The following RIC1 variants were observed in gnomAD, a reference collection of about 807,000 sequenced individuals.
RIC1 encodes RIC1 partner of RAB6A GEF complex.
Under a neutral mutation model 169.0 loss-of-function variants are expected in RIC1, and 88 were observed. The ratio of observed to expected loss-of-function variants is 0.52; its 90% CI spans 0.44 to 0.62. The LOEUF (loss-of-function observed/expected upper bound fraction) is 0.62, where lower values mean the gene tolerates loss of function less well. Among genes scored for constraint, RIC1 ranks in the 20% least tolerant of loss-of-function variants. RIC1 has a pLI of 0.00. For synonymous variants in RIC1, 790 were observed against 601.5 expected, an observed-to-expected ratio of 1.31 and a Z score of -4.59; for missense variants, 1,877 against 1,725.5, an observed-to-expected ratio of 1.09 and a Z score of -1.56.
chr9:5,697,661 G>A (rs529720726), intron 3 of RIC1, among the ~76,000 whole-genome samples: 9 of 152,130 alleles, frequency 5.9e-5, no homozygotes, highest in Middle Eastern at 3.2e-3. Context: ...AAAAGAAATC[G>A]TTCTGAGCCT....
intron 3 of RIC1, among the ~76,000 whole-genome samples, chr9:5,703,686 G>A (rs1048485828): frequency 3.9e-5 from 6 of 152,168 alleles, no homozygotes; most frequent in Non-Finnish European, 5.9e-5. Context: ...GTTAATTCGT[G>A]TTTTAGCATG....
chr9:5,668,562 T>A (rs1819916673), intron 2 of RIC1, among the ~76,000 whole-genome samples: 1 of 152,234 alleles, frequency 6.6e-6, no homozygotes, highest in Admixed American at 6.5e-5. Context: ...CCCCAGACTC[T>A]GCTTATTTTT....
At chr9:5,764,352 TC>T (rs2131103117) in intron 19 of RIC1, among the ~76,000 whole-genome samples, 1 of 152,272 alleles carries the variant, frequency 6.6e-6, no homozygotes, top group South Asian at 2.1e-4. Context: ...GAGCTAGTCT[TC>T]CCCAAAGCAA....
chr9:5,765,308 G>T (rs1021722594), intron 19 of RIC1, 106 bp from the exon 20 acceptor site: 1 of 1,182,602 alleles, frequency 8.5e-7, no homozygotes, highest in Non-Finnish European at 1.2e-6. Flanking sequence ...AACCCCTGTG[G>T]TGGTGTGGCT....
chr9:5,632,864 C>T (rs1051760778), intron 1 of RIC1, among the ~76,000 whole-genome samples: 6 of 152,122 alleles, frequency 3.9e-5, no homozygotes, highest in African/African-American at 9.7e-5. Flanking sequence ...AGAATGGTAT[C>T]TTTGAATTTA....
intron 2 of RIC1, among the ~76,000 whole-genome samples, chr9:5,671,059 C>T (rs541688482): frequency 1.3e-5 from 2 of 152,174 alleles, no homozygotes; most frequent in African/African-American, 4.8e-5. Flanking sequence ...AGTGATGTTA[C>T]CTGCAGGAGT....
chr9:5,774,022 G>A lies in RIC1; in HGVS notation c.4048G>A (p.Glu1350Lys). 1.2e-6 allele frequency: 2 copies of A among 1,613,936 alleles called. No individual in the cohort carries two copies. Among genetic ancestry groups the A allele is most frequent in the Non-Finnish European group, 1.7e-6 (2 of 1,179,922 alleles). ...PQLQKLSEIT[E>K]EQVQPDAFQP... is the part of the protein sequence containing the mutation. ...ACTGCAGAAGCTCAGTGAGATAACAGAAGAGCAGGTCCAGCCAGATGCCTT... is the reference window on the plus strand; with the variant it reads ...ACTGCAGAAGCTCAGTGAGATAACAAAAGAGCAGGTCCAGCCAGATGCCTT... The change falls in exon 26 of 26, where the codon GAA becomes AAA. Residue 1350 changes from glutamate to lysine, a missense_variant. Transcript: ENST00000414202.
intron 4 of RIC1, among the ~76,000 whole-genome samples, chr9:5,715,935 C>T (rs1823212830): frequency 6.6e-6 from 1 of 152,024 alleles, no homozygotes; most frequent in Admixed American, 6.5e-5. Flanking sequence ...GCAGCCTCAG[C>T]CTCCTGGGCT....
chr9:5,778,009 A>T (rs892495001), downstream of RIC1, among the ~76,000 whole-genome samples: 1 of 152,114 alleles, frequency 6.6e-6, no homozygotes, highest in African/African-American at 2.4e-5. Context: ...GGCAGTTGGG[A>T]TTTTCATAAG....
At chr9:5,707,571 T>C (rs1311951441) in intron 3 of RIC1, among the ~76,000 whole-genome samples, 2 of 152,144 alleles carry the variant, frequency 1.3e-5, no homozygotes, top group Non-Finnish European at 2.9e-5. Flanking sequence ...TGAATCTCTT[T>C]ATAGGTGTGG....
chr9:5,747,455 T>C lies in RIC1; in HGVS notation c.1402T>C (p.Ser468Pro), dbSNP rs1263582399. The change falls in exon 12 of 26, where the codon TCT becomes CCT. Residue 468 changes from serine (S) to proline (P), a missense_variant. Ser to Pro is a moderately conservative substitution (Grantham distance 74). Around this residue, in one of 3 missense-constraint regions of RIC1, gnomAD observed 1,104 missense variants for 992.0 expected, o/e 1.11. Coordinates refer to ENST00000414202, the MANE Select transcript of RIC1 (RefSeq NM_020829.4). ...CCCATTTGCAGATGGAGGTTTAGAG[T>C]CTCAGGGATTAAGCACTTTACTTGG... ...KSPFADGGLE[S>P]QGLSTLLGHR... The C allele has an allele frequency of 6.2e-7, 1 of 1,613,980 alleles. No homozygotes were observed. The highest frequency in any genetic ancestry group is 8.5e-7 in the Non-Finnish European group (1 of 1,179,928).
chr9:5,772,539 G>GT, intron 23 of RIC1, 25 bp from the exon 24 acceptor site: 1 of 1,546,802 alleles, frequency 6.5e-7, no homozygotes, highest in East Asian at 2.3e-5. Flanking sequence ...GAAGTTGGTT[G>GT]TAACTTTTGG....
chr9:5,753,588 G>C lies in RIC1; in HGVS notation c.1544G>C (p.Gly515Ala). 3 of 1,611,958 alleles carry C rather than the reference G, an allele frequency of 1.9e-6. No homozygotes were observed. The highest frequency in any genetic ancestry group is 2.5e-6 in the Non-Finnish European group (3 of 1,179,210). ...GQNIAVVGKF[G>A]FAHYSLLTKK... The stretch of plus-strand genomic sequence containing the variant: ...AATATTGCTGTGGTTGGCAAGTTTG[G>C]TTTTGCACATTACTCTTTACTCACC... Residue 515 changes from glycine to alanine, a missense_variant, in exon 14 of 26, where the codon GGT becomes GCT. Gly to Ala is a moderately conservative substitution (Grantham distance 60). Transcript: ENST00000414202.
Position 5,648,203 on chromosome 9 carries a change from C to G in RIC1, c.145-8380C>G, listed in dbSNP as rs184726185. Among the ~76,000 whole-genome samples, 451 of 152,216 alleles carry G rather than the reference C, an allele frequency of 3.0e-3. 8 individuals are homozygous for G. Among genetic ancestry groups the G allele is most frequent in the Admixed American group, 0.026 (400 of 15,264 alleles). On this transcript the variant is annotated intron_variant, in intron 1 of 25. Transcript: ENST00000414202. ...TTTGCCATGTTGTTCAGACTGGTCT[C>G]GAGCTCCTGACCTCAGGTGATCCAC...
chr9:5,641,384 C>G (rs1818238544), intron 1 of RIC1, among the ~76,000 whole-genome samples: 2 of 152,124 alleles, frequency 1.3e-5, no homozygotes, highest in Non-Finnish European at 1.5e-5. Flanking sequence ...AGCCACCGCG[C>G]CCGGCCGCCA....
intron 2 of RIC1, among the ~76,000 whole-genome samples, chr9:5,658,825 GT>G (rs544099717): frequency 0.034 from 4,726 of 138,286 alleles, 279 homozygotes; most frequent in African/African-American, 0.12. Context: ...AAGTTTTTTT[GT>G]TTTTTTTTTT....
Position 5,776,535 on chromosome 9 carries a change from G to T in RIC1, c.*2289G>T, listed in dbSNP as rs1827597366. The T allele has an allele frequency of 6.6e-6, 1 of 151,878 alleles. No homozygotes were observed. Among genetic ancestry groups the T allele is most frequent in the African/African-American group, 2.4e-5 (1 of 41,360 alleles). The allele number at this position is 151,878 out of a possible 1,614,324, so 9.4% of individuals were successfully genotyped here. Reference sequence around the variant, plus strand: ...TGTGTATTTTTCTCCCCTTGGTAAAGGGCAATAAAACCATTACACAAACTT... The same window carrying T: ...TGTGTATTTTTCTCCCCTTGGTAAATGGCAATAAAACCATTACACAAACTT... On this transcript the variant is annotated 3_prime_UTR_variant, in exon 26 of 26. Transcript: ENST00000414202.
intron 8 of RIC1, 54 bp downstream of exon 8, chr9:5,738,592 C>A: frequency 2.9e-6 from 3 of 1,051,494 alleles, no homozygotes; most frequent in South Asian, 1.7e-5. Context: ...CTGGTATTGC[C>A]ATTTGTAGCA....
chr9:5,714,627 A>G (rs931597366), intron 4 of RIC1, among the ~76,000 whole-genome samples: 6 of 152,206 alleles, frequency 3.9e-5, no homozygotes, highest in African/African-American at 1.4e-4. Flanking sequence ...CGCAGCTGTA[A>G]AAACATTGAG....
Sources: allele counts gnomAD v4.1 joint callset (sites outside exome capture counted in the v4.1 genomes callset), GRCh38; gene constraint gnomAD v4.1.1; regional missense constraint gnomAD v4.1.1; transcripts MANE v1.5; gene names NCBI Gene and HGNC (gene_info 2026-07-23, HGNC 2026-07-21).